Variants in CLTCL1 observed in about 807,000 individuals in gnomAD.
CLTCL1 encodes the protein clathrin heavy chain 2.
In CLTCL1, 159 loss-of-function variants were observed where a neutral mutation model predicts 190.0. That is an observed-to-expected ratio of 0.84 (90% confidence interval 0.74 to 0.95). CLTCL1 has a LOEUF of 0.95. CLTCL1 is among the 40% of genes least tolerant of loss of function. The pLI, the probability that CLTCL1 is intolerant of heterozygous loss-of-function variation, is 0.00. For missense variants in CLTCL1, 1,878 were observed against 2,033.4 expected (o/e 0.92, Z 1.47); for synonymous variants, 752 against 769.6 (o/e 0.98, Z 0.38).
intron 1 of CLTCL1, among the ~76,000 whole-genome samples, chr22:19,283,348 T>A (rs1487349115): frequency 6.6e-6 from 1 of 152,026 alleles, no homozygotes; most frequent in African/African-American, 2.4e-5. Flanking sequence ...TGGTGCAATC[T>A]TGGCTTACTG....
chr22:19,225,307 G>A (rs528316254), intron 13 of CLTCL1, 146 bp downstream of exon 13: 2 of 735,420 alleles, frequency 2.7e-6, no homozygotes, highest in African/African-American at 3.5e-5. Flanking sequence ...GTAGCATTCT[G>A]CCACCGACTG....
intron 19 of CLTCL1, among the ~76,000 whole-genome samples, chr22:19,211,200 C>CA (rs1316492760): frequency 6.6e-6 from 1 of 152,088 alleles, no homozygotes; most frequent in East Asian, 1.9e-4. Flanking sequence ...AAGCATCTGA[C>CA]AAAATCTAAC....
chr22:19,248,073 G>T (rs1324624922), intron 3 of CLTCL1, among the ~76,000 whole-genome samples: 1 of 151,448 alleles, frequency 6.6e-6, no homozygotes, highest in East Asian at 2.0e-4. Flanking sequence ...GAGGCAGGCA[G>T]ATCACCTGAG....
chr22:19,258,864 T>G, intron 2 of CLTCL1: 1 of 504,100 alleles, frequency 2.0e-6, no homozygotes, highest in South Asian at 2.3e-5. Context: ...GTTCACAGGT[T>G]AAAAAAAACC....
intron 18 of CLTCL1, among the ~76,000 whole-genome samples, chr22:19,218,197 G>A (rs1209712031): frequency 6.6e-6 from 1 of 152,170 alleles, no homozygotes; most frequent in Non-Finnish European, 1.5e-5. Context: ...CGCTGGCTCC[G>A]GTATGGTGCA....
intron 1 of CLTCL1, among the ~76,000 whole-genome samples, chr22:19,279,930 G>A (rs1296812650): frequency 6.6e-6 from 1 of 152,214 alleles, no homozygotes; most frequent in Non-Finnish European, 1.5e-5. Flanking sequence ...GCACCTCAGT[G>A]GTGCTGGCCA....
At chr22:19,180,830 A>G (rs782709699) in intron 30 of CLTCL1, 24 bp from the exon 31 acceptor site, 1 of 1,611,452 alleles carries the variant, frequency 6.2e-7, no homozygotes, top group South Asian at 1.1e-5. Context: ...AAAGCACGTG[A>G]GCACCCGCTT....
intron 2 of CLTCL1, among the ~76,000 whole-genome samples, chr22:19,267,156 T>G (rs2087146712): frequency 6.6e-6 from 1 of 152,058 alleles, no homozygotes; most frequent in Admixed American, 6.5e-5. Flanking sequence ...ATACAAAAAT[T>G]ATTTTATTTC....
chr22:19,254,328 T>C, intron 2 of CLTCL1, 101 bp from the exon 3 acceptor site: 1 of 1,005,308 alleles, frequency 9.9e-7, no homozygotes, highest in Non-Finnish European at 1.4e-6. Context: ...TTACTTTAGG[T>C]TGTACTGCTA....
At chr22:19,274,136 G>A (rs1474271960) in intron 2 of CLTCL1, among the ~76,000 whole-genome samples, 1 of 152,036 alleles carries the variant, frequency 6.6e-6, no homozygotes, top group Non-Finnish European at 1.5e-5. Context: ...AAACAAAACC[G>A]CAAACAACAT....
In CLTCL1 at chr22:19,224,006, T is replaced by G. The variant is rs782728804; in HGVS notation, c.2177A>C (p.Asp726Ala). 6.8e-6 allele frequency: 11 copies of G among 1,613,996 alleles called. No individual in the cohort carries two copies. The highest frequency in any genetic ancestry group is 9.3e-6 in the Non-Finnish European group (11 of 1,179,898). The change falls in exon 14 of 33, where the codon GAT (aspartate) becomes GCT (alanine). Residue 726 changes from aspartate to alanine, a missense_variant. Transcript: ENST00000427926. ...GSIVNFSQDP[D>A]VHLKYIQAAC... Reference sequence around the variant, plus strand: ...AGCCTGAATGTATTTCAGATGCACATCTGGGTCTTGGCTGAAGTTCACGAT... The same window carrying G: ...AGCCTGAATGTATTTCAGATGCACAGCTGGGTCTTGGCTGAAGTTCACGAT...
chr22:19,288,229 G>A (rs1463448976), intron 1 of CLTCL1, among the ~76,000 whole-genome samples: 1 of 152,148 alleles, frequency 6.6e-6, no homozygotes, highest in African/African-American at 2.4e-5. Context: ...AAGTCCAACA[G>A]TAGTGATGCT....
chr22:19,227,309 T>A (rs1305232049), intron 11 of CLTCL1, among the ~76,000 whole-genome samples: 1 of 147,052 alleles, frequency 6.8e-6, no homozygotes, highest in Non-Finnish European at 1.5e-5. Context: ...AGACAGGGTC[T>A]CACTCTGTTG....
intron 1 of CLTCL1, among the ~76,000 whole-genome samples, chr22:19,282,642 GAAAAAGAAAAAGAA>G (rs1485934298): frequency 6.7e-6 from 1 of 149,672 alleles, no homozygotes; most frequent in East Asian, 2.0e-4. Flanking sequence ...AAAAAAAAAA[GAAAAAGAAAAAGAA>G]AAAAAGAAAT....
At chr22:19,192,695 C>T (rs903485508) in intron 26 of CLTCL1, among the ~76,000 whole-genome samples, 7 of 152,230 alleles carry the variant, frequency 4.6e-5, no homozygotes, top group African/African-American at 1.7e-4. Flanking sequence ...TCTTCTTTCT[C>T]CTTCTCTTTT....
At chr22:19,224,723 C>A in intron 13 of CLTCL1, among the ~76,000 whole-genome samples, 1 of 152,162 alleles carries the variant, frequency 6.6e-6, no homozygotes, top group Non-Finnish European at 1.5e-5. Context: ...TCTCCCAGCC[C>A]AGCTCCACTC....
In CLTCL1 at chr22:19,228,202, G is replaced by C. The variant is rs569073072; in HGVS notation, c.1782+1636C>G. On this transcript the variant is annotated intron_variant, in intron 11 of 32. Coordinates refer to ENST00000427926, the MANE Select transcript of CLTCL1 (RefSeq NM_007098.4). Reference sequence around the variant, plus strand: ...GCTTTAGAACATCTAGCACTTACCTGAGTCTCCTATCCTTTGTTTCCTTCA... The same window carrying C: ...GCTTTAGAACATCTAGCACTTACCTCAGTCTCCTATCCTTTGTTTCCTTCA... Among the ~76,000 whole-genome samples, 30 of 152,348 alleles carry C rather than the reference G, an allele frequency of 2.0e-4. No individual in the cohort carries two copies. In the East Asian group the frequency reaches 4.8e-3, roughly 24 times the overall value.
At chr22:19,197,145 G>A (rs73394635) in intron 24 of CLTCL1, among the ~76,000 whole-genome samples, 1,846 of 152,216 alleles carry the variant, frequency 0.012, 31 homozygotes, top group African/African-American at 0.043. Flanking sequence ...AAGACCAGAC[G>A]TCTGGTTACA....
intron 18 of CLTCL1, among the ~76,000 whole-genome samples, chr22:19,218,457 G>A (rs1238596551): frequency 6.6e-6 from 1 of 152,202 alleles, no homozygotes; most frequent in Non-Finnish European, 1.5e-5. Context: ...TAAAAAAGTA[G>A]TGGCACAGGC....
Sources: allele counts gnomAD v4.1 joint callset (sites outside exome capture counted in the v4.1 genomes callset), GRCh38; gene constraint gnomAD v4.1.1; transcripts MANE v1.5; gene names NCBI Gene and HGNC (gene_info 2026-07-23, HGNC 2026-07-21).